The following UNC5C variants were observed in gnomAD, a reference collection of about 807,000 sequenced individuals.
The protein encoded by UNC5C is netrin receptor UNC5C.
A neutral mutation model predicts 99.8 loss-of-function variants in UNC5C; 47 were observed. That is an observed-to-expected ratio of 0.47 (90% CI 0.37 to 0.60). The LOEUF (loss-of-function observed/expected upper bound fraction) is 0.60, where lower values mean the gene tolerates loss of function less well. Ranked by LOEUF, UNC5C falls within the 20% of genes least tolerant of loss-of-function variation. UNC5C has a pLI of 0.00. For missense variants in UNC5C, 1,062 were observed against 1,165.9 expected, an observed-to-expected ratio of 0.91 and a Z score of 1.30; for synonymous variants, 487 against 452.2, an observed-to-expected ratio of 1.08 and a Z score of -0.98.
intron 1 of UNC5C, among the ~76,000 whole-genome samples, chr4:95,348,969 G>A (rs1255141020): frequency 8.8e-6 from 1 of 113,464 alleles, no homozygotes; most frequent in African/African-American, 3.3e-5. Flanking sequence ...CAGAAGCTGG[G>A]AAGGGTAGTG....
intron 1 of UNC5C, among the ~76,000 whole-genome samples, chr4:95,452,545 C>T (rs961448818): frequency 3.9e-5 from 6 of 152,048 alleles, no homozygotes; most frequent in Middle Eastern, 3.2e-3. Context: ...GATAATGTGA[C>T]GTGTTATCCA....
chr4:95,320,013 A>G (rs1362578954), intron 2 of UNC5C, among the ~76,000 whole-genome samples: 1 of 152,188 alleles, frequency 6.6e-6, no homozygotes, highest in Non-Finnish European at 1.5e-5. Context: ...GAGAAAAGCT[A>G]TGCTCTTTTG....
intron 1 of UNC5C, among the ~76,000 whole-genome samples, chr4:95,376,949 C>T (rs1473439663): frequency 6.6e-6 from 1 of 152,184 alleles, no homozygotes; most frequent in African/African-American, 2.4e-5. Context: ...TGCCTTTTTG[C>T]TGTTGTTTTA....
At chr4:95,349,077 A>C (rs1438385693) in intron 1 of UNC5C, among the ~76,000 whole-genome samples, 1 of 151,560 alleles carries the variant, frequency 6.6e-6, no homozygotes, top group Non-Finnish European at 1.5e-5. Flanking sequence ...GGGAGACCAC[A>C]GTCAACAAAA....
intron 1 of UNC5C, among the ~76,000 whole-genome samples, chr4:95,445,482 A>G (rs1203098797): frequency 2.0e-5 from 3 of 152,182 alleles, no homozygotes; most frequent in African/African-American, 7.2e-5. Flanking sequence ...GCTTTTTAAA[A>G]ATAGTACACC....
At chr4:95,414,914 A>T (rs994882922) in intron 1 of UNC5C, among the ~76,000 whole-genome samples, 3 of 152,222 alleles carry the variant, frequency 2.0e-5, no homozygotes, top group African/African-American at 7.2e-5. Context: ...AATTTTGGAG[A>T]TTATTGTGAC....
chr4:95,179,746 CAAAAA>C (rs33974336), intron 14 of UNC5C, among the ~76,000 whole-genome samples: 29 of 98,528 alleles, frequency 2.9e-4, no homozygotes, highest in African/African-American at 4.8e-4. Context: ...GACTCCTTCT[CAAAAA>C]AAAAAAAAAA....
At chr4:95,228,799 T>C (rs1738790105) in intron 7 of UNC5C, among the ~76,000 whole-genome samples, 1 of 152,214 alleles carries the variant, frequency 6.6e-6, no homozygotes, top group Non-Finnish European at 1.5e-5. Context: ...TTTGAAATAT[T>C]ATCATTTATA....
At chr4:95,260,542 T>A (rs1489613571) in intron 4 of UNC5C, among the ~76,000 whole-genome samples, 1 of 152,192 alleles carries the variant, frequency 6.6e-6, no homozygotes. Flanking sequence ...TTTGCTTTTC[T>A]CTCTCCCCAC....
At chr4:95,461,926 G>T (rs1168639315) in intron 1 of UNC5C, among the ~76,000 whole-genome samples, 1 of 152,070 alleles carries the variant, frequency 6.6e-6, no homozygotes. Flanking sequence ...TGCCTGTTTT[G>T]ATTTTCTTTT....
chr4:95,294,181 T>G (rs1467187734), intron 3 of UNC5C, among the ~76,000 whole-genome samples: 1 of 152,256 alleles, frequency 6.6e-6, no homozygotes, highest in African/African-American at 2.4e-5. Context: ...AAATTGTGGC[T>G]ACTAGAAAAG....
chr4:95,345,618 T>C (rs1032087011), intron 1 of UNC5C, among the ~76,000 whole-genome samples: 1 of 151,902 alleles, frequency 6.6e-6, no homozygotes, highest in African/African-American at 2.4e-5. Flanking sequence ...ACAAAATAAG[T>C]CTTAAAAAAT....
intron 4 of UNC5C, among the ~76,000 whole-genome samples, chr4:95,266,111 C>T (rs1039928378): frequency 1.1e-4 from 16 of 152,122 alleles, no homozygotes; most frequent in African/African-American, 3.6e-4. Flanking sequence ...TCCAAAAAAA[C>T]ACCTGAAAGA....
chr4:95,291,362 A>C (rs1741438352), intron 3 of UNC5C, among the ~76,000 whole-genome samples: 1 of 152,230 alleles, frequency 6.6e-6, no homozygotes, highest in South Asian at 2.1e-4. Flanking sequence ...AAAAGAATGC[A>C]ATGATTGCAG....
At chr4:95,257,386 A>C (rs1205726070) in intron 4 of UNC5C, among the ~76,000 whole-genome samples, 1 of 152,154 alleles carries the variant, frequency 6.6e-6, no homozygotes, top group Admixed American at 6.5e-5. Context: ...CCTGGGTGAC[A>C]CAGCAAGACA....
intron 3 of UNC5C, among the ~76,000 whole-genome samples, chr4:95,292,232 CACACATATATATAT>C (rs1232161657): frequency 1.2e-5 from 1 of 80,546 alleles, no homozygotes; most frequent in Admixed American, 1.2e-4. Context: ...CACACACACA[CACACATATATATAT>C]ATATATATAT....
At chr4:95,303,356 AACT>A (rs776766028) in intron 2 of UNC5C, among the ~76,000 whole-genome samples, 1 of 152,194 alleles carries the variant, frequency 6.6e-6, no homozygotes, top group African/African-American at 2.4e-5. Context: ...TGAGTTTCAG[AACT>A]ACTCACATCT....
chr4:95,400,384 C>CTTTT lies in UNC5C; in HGVS notation c.125-64757_125-64754dup, dbSNP rs1171870515. ...TTCCACAGCCACAGTGAGATGAATT[C>CTTTT]TTTTTTTTTTTTTTTTTTTTTTTTT... On this transcript the variant is annotated intron_variant, in intron 1 of 15. Transcript: ENST00000453304. 7.0e-4 allele frequency among the ~76,000 whole-genome samples: 46 copies of CTTTT among 65,768 alleles called. 5 individuals are homozygous for CTTTT. The highest frequency in any genetic ancestry group is 7.8e-4 in the Non-Finnish European group (28 of 36,052). The allele number at this position is 65,768 out of a possible 152,430, so 43.1% of individuals were successfully genotyped here.
chr4:95,506,193 T>C (rs1042358591), intron 1 of UNC5C, among the ~76,000 whole-genome samples: 11 of 152,068 alleles, frequency 7.2e-5, no homozygotes, highest in Non-Finnish European at 1.5e-4. Context: ...AGATTCTATA[T>C]ATCATATAAG....
Sources: gnomAD v4.1 joint callset for allele counts (sites outside exome capture counted in the v4.1 genomes callset) on GRCh38, gnomAD v4.1.1 for gene constraint, MANE v1.5 for transcripts, NCBI Gene and HGNC (gene_info 2026-07-23, HGNC 2026-07-21) for gene names.